ITGA9: variants seen among roughly 807,000 people sequenced by gnomAD.
The protein encoded by ITGA9 is integrin alpha-9.
In ITGA9, 56 loss-of-function variants were observed where a neutral mutation model predicts 127.8. That is an observed-to-expected ratio of 0.44 (90% CI 0.35 to 0.55). The LOEUF (loss-of-function observed/expected upper bound fraction) is 0.55, where lower values mean the gene tolerates loss of function less well. Among genes scored for constraint, ITGA9 ranks in the 20% least tolerant of loss-of-function variants. The pLI is 0.00. For synonymous variants in ITGA9, 508 were observed against 514.5 expected, an observed-to-expected ratio of 0.99 and a Z score of 0.17; for missense variants, 1,196 against 1,347.1, an observed-to-expected ratio of 0.89 and a Z score of 1.76.
At chr3:37,704,819 G>T (rs1049121781) in intron 18 of ITGA9, among the ~76,000 whole-genome samples, 22 of 152,208 alleles carry the variant, frequency 1.4e-4, no homozygotes, top group African/African-American at 4.8e-4. Context: ...TAGTTTCCTA[G>T]TGTGCAGAGT....
At chr3:37,537,603 T>C (rs1699222481) in intron 14 of ITGA9, among the ~76,000 whole-genome samples, 1 of 152,188 alleles carries the variant, frequency 6.6e-6, no homozygotes, top group African/African-American at 2.4e-5. Flanking sequence ...CTGCTTATCC[T>C]GGGGCACGGA....
chr3:37,512,186 T>A (rs1340412602), intron 8 of ITGA9, among the ~76,000 whole-genome samples: 1 of 60,818 alleles, frequency 1.6e-5, no homozygotes. Context: ...TTTCTTTTCT[T>A]TTCTTTTCTT....
Position 37,628,639 on chromosome 3 carries a change from C to A in ITGA9, c.1690-548C>A, listed in dbSNP as rs112753750. ...CCATCGTGACTGTCAATCGACTGTT[C>A]CCTTGGGGCTTGAGATTCTTGGATT... On this transcript the variant is annotated intron_variant, in intron 15 of 27. Coordinates refer to ENST00000264741, the MANE Select transcript of ITGA9 (RefSeq NM_002207.3). 8.5e-4 allele frequency among the ~76,000 whole-genome samples: 130 copies of A among 152,216 alleles called. 1 individual carries two copies. Among genetic ancestry groups the A allele is most frequent in the African/African-American group, 3.0e-3 (125 of 41,532 alleles).
At chr3:37,595,237 T>C (rs1357412530) in intron 15 of ITGA9, among the ~76,000 whole-genome samples, 1 of 152,132 alleles carries the variant, frequency 6.6e-6, no homozygotes, top group Admixed American at 6.5e-5. Context: ...TCCAGGTAGC[T>C]GGGCAGTGTC....
At chr3:37,619,707 A>G (rs1700109614) in intron 15 of ITGA9, among the ~76,000 whole-genome samples, 1 of 152,200 alleles carries the variant, frequency 6.6e-6, no homozygotes, top group African/African-American at 2.4e-5. Flanking sequence ...GCGTTTCACA[A>G]GGCCGTACTC....
chr3:37,464,223 G>T (rs1698346817), intron 1 of ITGA9, among the ~76,000 whole-genome samples: 1 of 147,592 alleles, frequency 6.8e-6, no homozygotes, highest in South Asian at 2.1e-4. Context: ...GTTATCAGTT[G>T]TTTATGCATG....
rs1282194809 is a variant in ITGA9 at position 37,820,866 on chromosome 3, C to T, written c.*1877C>T. ...CTTATAGCACCTTTTTTACTGGAAGCTAACACGTTGGGAGTCCGTGAACAT... is the reference window on the plus strand; with the variant it reads ...CTTATAGCACCTTTTTTACTGGAAGTTAACACGTTGGGAGTCCGTGAACAT... On this transcript the variant is annotated 3_prime_UTR_variant, in exon 28 of 28. Coordinates refer to ENST00000264741, the MANE Select transcript of ITGA9 (RefSeq NM_002207.3). 1 of 152,176 alleles carries T rather than the reference C, an allele frequency of 6.6e-6. No individual in the cohort carries two copies. The highest frequency in any genetic ancestry group is 1.5e-5 in the Non-Finnish European group (1 of 68,042). The allele number at this position is 152,176 out of a possible 1,614,324, so 9.4% of individuals were successfully genotyped here.
chr3:37,484,573 T>C (rs1007177637), intron 4 of ITGA9, among the ~76,000 whole-genome samples: 2 of 152,182 alleles, frequency 1.3e-5, no homozygotes, highest in African/African-American at 4.8e-5. Flanking sequence ...GACAGGACCT[T>C]TCAGATACCA....
At chr3:37,600,573 G>A (rs1054194668) in intron 15 of ITGA9, among the ~76,000 whole-genome samples, 107 of 152,290 alleles carry the variant, frequency 7.0e-4, no homozygotes, top group African/African-American at 2.5e-3. Context: ...GCTGGATGTG[G>A]CCACCATCTG....
At chr3:37,554,257 G>A (rs79706093) in intron 15 of ITGA9, among the ~76,000 whole-genome samples, 4,391 of 152,220 alleles carry the variant, frequency 0.029, 205 homozygotes, top group African/African-American at 0.1. Flanking sequence ...TCACTGACGA[G>A]GTGTGATTTG....
chr3:37,487,927 A>G (rs1484596162), intron 4 of ITGA9, among the ~76,000 whole-genome samples: 1 of 152,076 alleles, frequency 6.6e-6, no homozygotes, highest in African/African-American at 2.4e-5. Flanking sequence ...TTATAGATAC[A>G]CTCTGTAGAC....
chr3:37,587,870 A>G lies in ITGA9; in HGVS notation c.1690-41317A>G, dbSNP rs199608940. Among the ~76,000 whole-genome samples, 5 of 152,332 alleles carry G rather than the reference A, an allele frequency of 3.3e-5. No homozygotes were observed. In the East Asian group the frequency reaches 9.7e-4, roughly 29 times the overall value. On this transcript the variant is annotated intron_variant, in intron 15 of 27. Coordinates refer to ENST00000264741, the MANE Select transcript of ITGA9 (RefSeq NM_002207.3). Reference sequence around the variant, plus strand: ...CTTGCAACATTAGAACCAGAACAACATTTCATTATTTTATGTTAAACGGAC... The same window carrying G: ...CTTGCAACATTAGAACCAGAACAACGTTTCATTATTTTATGTTAAACGGAC...
intron 14 of ITGA9, among the ~76,000 whole-genome samples, chr3:37,539,143 G>C (rs1699242145): frequency 6.6e-6 from 1 of 152,190 alleles, no homozygotes; most frequent in Admixed American, 6.5e-5. Flanking sequence ...TGAAACTTTG[G>C]AGGAGTAAAG....
intron 4 of ITGA9, among the ~76,000 whole-genome samples, chr3:37,487,785 G>A (rs1429301163): frequency 2.0e-5 from 3 of 151,994 alleles, no homozygotes; most frequent in African/African-American, 7.3e-5. Context: ...TGGGATCCTG[G>A]TTTTCTTGGT....
intron 23 of ITGA9, among the ~76,000 whole-genome samples, chr3:37,760,677 A>C (rs955385092): frequency 2.0e-5 from 3 of 152,236 alleles, no homozygotes; most frequent in Non-Finnish European, 2.9e-5. Context: ...AAACAAACAA[A>C]AAACAGGTGA....
rs373635908 is a variant in ITGA9 at position 37,469,224 on chromosome 3, A to C, written c.186-1783A>C. ...GCTCCTGCTGGGGATGGCCCACCCT[A>C]GGCAGCTTTTCAGTTCAAGATGGAG... On this transcript the variant is annotated intron_variant, in intron 1 of 27. Coordinates refer to ENST00000264741, the MANE Select transcript of ITGA9 (RefSeq NM_002207.3). 4.8e-4 allele frequency among the ~76,000 whole-genome samples: 73 copies of C among 152,256 alleles called. 1 individual carries two copies. Among genetic ancestry groups the C allele is most frequent in the African/African-American group, 1.6e-3 (68 of 41,548 alleles).
intron 17 of ITGA9, among the ~76,000 whole-genome samples, chr3:37,659,702 C>G (rs940682338): frequency 6.6e-6 from 1 of 152,042 alleles, no homozygotes; most frequent in Non-Finnish European, 1.5e-5. Context: ...GACTCATTCT[C>G]CATCCAGTTT....
At chr3:37,491,556 C>T (rs540268129) in intron 4 of ITGA9, among the ~76,000 whole-genome samples, 3 of 152,182 alleles carry the variant, frequency 2.0e-5, no homozygotes. Context: ...CACCCCCACC[C>T]CTTCCCAGGT....
At chr3:37,617,688 C>T (rs1010046548) in intron 15 of ITGA9, among the ~76,000 whole-genome samples, 1 of 152,128 alleles carries the variant, frequency 6.6e-6, no homozygotes, top group Non-Finnish European at 1.5e-5. Flanking sequence ...CTCTAAACTT[C>T]TCTTCTTGCT....
Sources: allele counts gnomAD v4.1 joint callset (sites outside exome capture counted in the v4.1 genomes callset), GRCh38; gene constraint gnomAD v4.1.1; transcripts MANE v1.5; gene names NCBI Gene and HGNC (gene_info 2026-07-23, HGNC 2026-07-21).